Variants in IL1RAPL1 observed in about 807,000 individuals in gnomAD.
The protein encoded by IL1RAPL1 is interleukin-1 receptor accessory protein-like 1.
A neutral mutation model predicts 48.4 loss-of-function variants in IL1RAPL1; 3 were observed. The observed-to-expected ratio is 0.06, with a 90% CI of 0.03 to 0.16. The LOEUF (loss-of-function observed/expected upper bound fraction) is 0.16, where lower values mean the gene tolerates loss of function less well. Among genes scored for constraint, IL1RAPL1 ranks in the 10% least tolerant of loss-of-function variants. IL1RAPL1 has a pLI of 1.00. For missense variants in IL1RAPL1, 349 were observed against 530.6 expected (o/e 0.66, Z 3.36); for synonymous variants, 185 against 187.7 (o/e 0.99, Z 0.12).
intron 6 of IL1RAPL1, among the ~76,000 whole-genome samples, chrX:29,752,495 CAAA>C (rs10682605): frequency 7.6e-5 from 4 of 52,748 alleles, no homozygotes; most frequent in African/African-American, 1.5e-4. Context: ...GACTTTGTCT[CAAA>C]AAAAAAAAAA....
chrX:29,238,279 A>T (rs1473058109), intron 2 of IL1RAPL1, among the ~76,000 whole-genome samples: 1 of 112,221 alleles, frequency 8.9e-6, no homozygotes, highest in Non-Finnish European at 1.9e-5. Context: ...CTGGCTATCT[A>T]AATATCACCT....
chrX:28,901,178 T>C (rs2147326332), intron 2 of IL1RAPL1, among the ~76,000 whole-genome samples: 1 of 111,788 alleles, frequency 8.9e-6, no homozygotes, highest in Admixed American at 9.5e-5. Flanking sequence ...TTTATGTGCT[T>C]AGGGCAAACA....
chrX:29,509,540 G>A (rs1935371197), intron 5 of IL1RAPL1, among the ~76,000 whole-genome samples: 1 of 112,221 alleles, frequency 8.9e-6, no homozygotes, highest in South Asian at 3.7e-4. Context: ...AGAAATGATG[G>A]AACATTGAAC....
chrX:29,651,465 G>C (rs1391250275), intron 5 of IL1RAPL1, among the ~76,000 whole-genome samples: 3 of 111,092 alleles, frequency 2.7e-5, no homozygotes, highest in Non-Finnish European at 3.8e-5. Flanking sequence ...CTTGTCATTT[G>C]CAACAACATA....
rs764464275 is a variant in IL1RAPL1 at position 29,138,533 on chromosome X, C to T, written c.83-144405C>T. 7.3e-5 allele frequency among the ~76,000 whole-genome samples: 8 copies of T among 109,918 alleles called. No homozygotes were observed. The East Asian group carries it at 2.3e-3, about 31-fold the overall frequency. On this transcript the variant is annotated intron_variant, in intron 2 of 10. Transcript: ENST00000378993. ...CGGTAATCCCGGCACTTTGGGAGGCCGAGGTGGGTGGATTACTTGAGGTCA... is the reference window on the plus strand; with the variant it reads ...CGGTAATCCCGGCACTTTGGGAGGCTGAGGTGGGTGGATTACTTGAGGTCA...
chrX:28,915,311 G>A (rs1356870153), intron 2 of IL1RAPL1, among the ~76,000 whole-genome samples: 2 of 111,205 alleles, frequency 1.8e-5, no homozygotes, highest in Non-Finnish European at 3.8e-5. Context: ...CCCTGCTCTG[G>A]ATTCTTGCTT....
At chrX:29,823,441 G>T (rs1050857799) in intron 6 of IL1RAPL1, among the ~76,000 whole-genome samples, 1 of 111,684 alleles carries the variant, frequency 9.0e-6, no homozygotes, top group African/African-American at 3.3e-5. Flanking sequence ...TGGAAATCAG[G>T]CATCCAAAAG....
chrX:29,924,784 TTTTC>T (rs1162952674), intron 8 of IL1RAPL1, among the ~76,000 whole-genome samples: 2 of 111,931 alleles, frequency 1.8e-5, no homozygotes, highest in African/African-American at 3.2e-5. Context: ...AACATCTAGG[TTTTC>T]TTTATTTCCC....
chrX:28,627,199 G>T (rs779922551), intron 1 of IL1RAPL1, among the ~76,000 whole-genome samples: 1 of 112,078 alleles, frequency 8.9e-6, no homozygotes, highest in South Asian at 3.7e-4. Context: ...TAAGGAAAGT[G>T]AGGCAAATGC....
At chrX:28,723,396 A>G (rs1402816764) in intron 1 of IL1RAPL1, among the ~76,000 whole-genome samples, 2 of 111,353 alleles carry the variant, frequency 1.8e-5, no homozygotes, top group Non-Finnish European at 3.8e-5. Flanking sequence ...TGTTTATAGT[A>G]TTCTCTGGTG....
In IL1RAPL1 at chrX:29,319,160, G is replaced by GCCTGTCTGTCTATCTATCTA. The variant is rs1555990506; in HGVS notation, c.362+35943_362+35944insCCTGTCTGTCTATCTATCTA. 4.1e-3 allele frequency among the ~76,000 whole-genome samples: 349 copies of GCCTGTCTGTCTATCTATCTA among 84,972 alleles called. 1 individual carries two copies. Among genetic ancestry groups the GCCTGTCTGTCTATCTATCTA allele is most frequent in the Non-Finnish European group, 5.9e-3 (266 of 45,145 alleles). 73.8% of individuals were successfully genotyped at this position (84,972 alleles called of 115,157 possible). ...ACGTATGATATCTGTCTATCTGTCT[G>GCCTGTCTGTCTATCTATCTA]TCTATCTATCTATCTATCTATCTAT... On this transcript the variant is annotated intron_variant, in intron 3 of 10. Transcript: ENST00000378993.
intron 5 of IL1RAPL1, among the ~76,000 whole-genome samples, chrX:29,444,028 A>G (rs746657428): frequency 5.3e-5 from 6 of 112,539 alleles, no homozygotes; most frequent in Non-Finnish European, 9.4e-5. Flanking sequence ...ATGTTAGAAG[A>G]AGTTGCAACA....
chrX:29,593,455 G>A (rs150421899), intron 5 of IL1RAPL1, among the ~76,000 whole-genome samples: 288 of 112,020 alleles, frequency 2.6e-3, no homozygotes, highest in African/African-American at 9.1e-3. Flanking sequence ...ATCACTCTAG[G>A]TTCTCTGACA....
At chrX:29,876,438 CAA>C (rs1278500578) in intron 6 of IL1RAPL1, among the ~76,000 whole-genome samples, 1 of 111,330 alleles carries the variant, frequency 9.0e-6, no homozygotes, top group East Asian at 2.8e-4. Flanking sequence ...GAGAAAATAG[CAA>C]AGAGTGAAGA....
chrX:28,713,291 C>T (rs994168424), intron 1 of IL1RAPL1, among the ~76,000 whole-genome samples: 1 of 110,662 alleles, frequency 9.0e-6, no homozygotes, highest in African/African-American at 3.3e-5. Flanking sequence ...CTCCTGAACT[C>T]GTGATCTGCC....
intron 2 of IL1RAPL1, among the ~76,000 whole-genome samples, chrX:29,247,169 T>C (rs1479200633): frequency 8.9e-6 from 1 of 112,197 alleles, no homozygotes; most frequent in African/African-American, 3.2e-5. Flanking sequence ...TATATTTTTC[T>C]AAAAGCATAT....
In IL1RAPL1 at chrX:29,745,722, C is replaced by T. The variant is rs182788566; in HGVS notation, c.778+77218C>T. Among the ~76,000 whole-genome samples, 6 of 110,446 alleles carry T rather than the reference C, an allele frequency of 5.4e-5. 1 individual carries two copies. The Admixed American group carries it at 5.8e-4, about 11-fold the overall frequency. ...TCGGCCTCCCAAAGTACTAGGATTA[C>T]GGGCATGAGCCAACATGCCCAGCCC... On this transcript the variant is annotated intron_variant, in intron 6 of 10. Coordinates refer to ENST00000378993, the MANE Select transcript of IL1RAPL1 (RefSeq NM_014271.4).
At chrX:29,837,017 T>C (rs1225135828) in intron 6 of IL1RAPL1, among the ~76,000 whole-genome samples, 3 of 108,912 alleles carry the variant, frequency 2.8e-5, no homozygotes, top group Non-Finnish European at 3.8e-5. Flanking sequence ...CCCAGCACTT[T>C]GGGAGGCCGA....
intron 6 of IL1RAPL1, among the ~76,000 whole-genome samples, chrX:29,810,194 A>C (rs766449284): frequency 9.2e-6 from 1 of 108,885 alleles, no homozygotes; most frequent in South Asian, 4.0e-4. Context: ...TTTTTATTTT[A>C]TTTTATTTCA....
Sources: allele counts gnomAD v4.1 joint callset (sites outside exome capture counted in the v4.1 genomes callset), GRCh38; gene constraint gnomAD v4.1.1; transcripts MANE v1.5; gene names NCBI Gene and HGNC (gene_info 2026-07-23, HGNC 2026-07-21).